Variants in IL2RB observed in about 807,000 individuals in gnomAD.
IL2RB encodes interleukin-2 receptor subunit beta.
Under a neutral mutation model 44.2 loss-of-function variants are expected in IL2RB, and 17 were observed. That is an observed-to-expected ratio of 0.38 (90% CI 0.26 to 0.58). The LOEUF is 0.58. Among genes scored for constraint, IL2RB ranks in the 20% least tolerant of loss-of-function variants. The probability of loss-of-function intolerance (pLI) is 0.63; values close to 1 mark genes in which losing one functional copy is unlikely to be tolerated. For synonymous variants in IL2RB, 286 were observed against 297.9 expected, an observed-to-expected ratio of 0.96 and a Z score of 0.41; for missense variants, 624 against 685.5, an observed-to-expected ratio of 0.91 and a Z score of 1.00.
intron 3 of IL2RB, 94 bp downstream of exon 3, chr22:37,143,427 T>G: frequency 1.2e-6 from 1 of 807,866 alleles, no homozygotes; most frequent in East Asian, 2.6e-5. Flanking sequence ...AGTCCAAGAT[T>G]CTGTAAACGT....
In IL2RB at chr22:37,141,413, G is replaced by A. The variant is rs1475452763; in HGVS notation, c.282+1021C>T. ...CAGAGCTGTCTGTTCCCACTGCTTG[G>A]CCTCTCCCCTGCTTCTGGCACCCGA... On this transcript the variant is annotated intron_variant, in intron 4 of 9. Transcript: ENST00000216223. The surrounding 1 kb of genome is among the most constrained non-coding windows in gnomAD (Gnocchi z 4.4). Among the ~76,000 whole-genome samples the A allele has an allele frequency of 6.6e-6, 1 of 152,136 alleles. No individual in the cohort carries two copies. The highest frequency in any genetic ancestry group is 1.5e-5 in the Non-Finnish European group (1 of 68,014).
intron 7 of IL2RB, 78 bp from the exon 8 acceptor site, chr22:37,135,520 A>C (rs554135284): frequency 4.7e-6 from 4 of 856,262 alleles, no homozygotes; most frequent in Admixed American, 1.9e-5. Flanking sequence ...TCACCCCAAC[A>C]CCCCCATCCA....
At position 37,128,809 on chromosome 22, in the gene IL2RB, G is replaced by T. The variant is rs1445188688; in HGVS notation, c.943C>A (p.Pro315Thr). 4.3e-6 allele frequency: 7 copies of T among 1,611,962 alleles called. No individual in the cohort carries two copies. Among genetic ancestry groups the T allele is most frequent in the Non-Finnish European group, 5.9e-6 (7 of 1,178,204 alleles). ...SSPFPSSSFS[P>T]GGLAPEISPL... ...GAGATCTCAGGTGCCAGGCCGCCAG[G>T]GCTGAAGGACGATGAGGGGAAGGGC... Residue 315 changes from proline to threonine, a missense_variant, in exon 10 of 10, where the codon CCT (proline) becomes ACT (threonine). Pro to Thr is a conservative substitution (Grantham distance 38, BLOSUM62 -1). Coordinates refer to ENST00000216223, the MANE Select transcript of IL2RB (RefSeq NM_000878.5). The surrounding 1 kb of genome is among the most constrained non-coding windows in gnomAD (Gnocchi z 4.5).
Position 37,128,754 on chromosome 22 carries a change from A to G in IL2RB, c.998T>C (p.Val333Ala). The change falls in exon 10 of 10, where the codon GTG becomes GCG. Residue 333 changes from valine to alanine, a missense_variant. By Grantham distance (64) the Val-to-Ala change is moderately conservative. Around this residue, in one of 3 missense-constraint regions of IL2RB, gnomAD observed 291 missense variants for 275.5 expected, o/e 1.06. Transcript: ENST00000216223. This position sits in a 1 kb window ranked among gnomAD's most constrained non-coding sequence, Gnocchi z 4.5. Reference sequence around the variant, plus strand: ...GTCCTGCTGCAGGAGCAGCTGCGTCACCTTGTCCCTCTCCAGCACTTCTAG... The same window carrying G: ...GTCCTGCTGCAGGAGCAGCTGCGTCGCCTTGTCCCTCTCCAGCACTTCTAG... ...SPLEVLERDK[V>A]TQLLLQQDKV... 1 of 1,613,944 alleles carries G rather than the reference A, an allele frequency of 6.2e-7. No homozygotes were observed. The highest frequency in any genetic ancestry group is 8.5e-7 in the Non-Finnish European group (1 of 1,179,920).
chr22:37,168,373 C>T (rs552782944), intron 1 of IL2RB, among the ~76,000 whole-genome samples: 7 of 152,260 alleles, frequency 4.6e-5, no homozygotes, highest in African/African-American at 1.2e-4. Context: ...AAAAATAGAA[C>T]GTGGCTTGGC....
rs3218345 is a variant in IL2RB, at chr22:37,148,151, G to A, written c.-34+1674C>T. 7.5e-3 allele frequency among the ~76,000 whole-genome samples: 1,148 copies of A among 152,326 alleles called. 5 individuals are homozygous for A. Among genetic ancestry groups the A allele is most frequent in the Non-Finnish European group, 0.012 (792 of 68,018 alleles). ...AGGCAGCCGGGCAGGAGGAGAAAGC[G>A]CCATCTGGAGTCTGCTTCCCGCCGC... On this transcript the variant is annotated intron_variant, in intron 1 of 9. Coordinates refer to ENST00000216223, the MANE Select transcript of IL2RB (RefSeq NM_000878.5).
At chr22:37,166,369 C>T (rs907153127) in intron 1 of IL2RB, among the ~76,000 whole-genome samples, 3 of 152,250 alleles carry the variant, frequency 2.0e-5, no homozygotes, top group Admixed American at 6.5e-5. Context: ...GTGTTGTACA[C>T]GGAGCCTGCG....
chr22:37,134,849 A>T (rs550636343), intron 8 of IL2RB, among the ~76,000 whole-genome samples: 1 of 152,262 alleles, frequency 6.6e-6, no homozygotes, highest in African/African-American at 2.4e-5. Flanking sequence ...GCGGCCTGCC[A>T]CTGTGTTCCC....
chr22:37,164,784 A>G (rs1158312984), intron 1 of IL2RB, among the ~76,000 whole-genome samples: 2 of 152,160 alleles, frequency 1.3e-5, no homozygotes, highest in Admixed American at 1.3e-4. Flanking sequence ...AATGCTACAG[A>G]GCAGAAAGTT....
intron 1 of IL2RB, among the ~76,000 whole-genome samples, chr22:37,166,416 C>T (rs1350936142): frequency 2.6e-5 from 4 of 152,242 alleles, no homozygotes; most frequent in Admixed American, 6.5e-5. Context: ...ATGCACTCCA[C>T]GCATTCAACC....
Position 37,128,969 on chromosome 22 carries a change from C to G in IL2RB, c.904-121G>C. ...CTGAAGCAGTTGGCCCAGGGCTGCC[C>G]CATCCAGGAAGCTCTCCCTGATTAT... On this transcript the variant is annotated intron_variant, in intron 9 of 9. Coordinates refer to ENST00000216223, the MANE Select transcript of IL2RB (RefSeq NM_000878.5). This position sits in a 1 kb window ranked among gnomAD's most constrained non-coding sequence, Gnocchi z 4.5. 1 of 1,208,974 alleles carries G rather than the reference C, an allele frequency of 8.3e-7. No homozygotes were observed. Among genetic ancestry groups the G allele is most frequent in the Non-Finnish European group, 1.1e-6 (1 of 890,104 alleles). 74.9% of individuals were successfully genotyped at this position (1,208,974 alleles called of 1,614,324 possible).
intron 1 of IL2RB, among the ~76,000 whole-genome samples, chr22:37,174,663 G>C (rs1157576076): frequency 3.9e-5 from 6 of 152,332 alleles, no homozygotes; most frequent in Non-Finnish European, 7.3e-5. Flanking sequence ...TGGGGAGGCA[G>C]ATTTGAACGC....
chr22:37,174,017 C>T (rs1013860131), intron 1 of IL2RB, among the ~76,000 whole-genome samples: 2 of 152,178 alleles, frequency 1.3e-5, no homozygotes, highest in African/African-American at 2.4e-5. Context: ...TTCTCCCCAC[C>T]CCACCCCAAC....
chr22:37,174,150 G>A (rs986701512), intron 1 of IL2RB, among the ~76,000 whole-genome samples: 2 of 152,188 alleles, frequency 1.3e-5, no homozygotes, highest in East Asian at 1.9e-4. Flanking sequence ...CCAATGAGAA[G>A]CGAGAAGAGG....
chr22:37,143,390 T>G, intron 3 of IL2RB, 131 bp downstream of exon 3: 1 of 628,784 alleles, frequency 1.6e-6, no homozygotes, highest in African/African-American at 1.8e-5. Context: ...CCAACTCCTG[T>G]GATTCAAAAA....
chr22:37,128,974 C>T lies in IL2RB; in HGVS notation c.904-126G>A, dbSNP rs1472037729. ...GCAGTTGGCCCAGGGCTGCCCCATC[C>T]AGGAAGCTCTCCCTGATTATAGCCC... On this transcript the variant is annotated intron_variant, in intron 9 of 9. Coordinates refer to ENST00000216223, the MANE Select transcript of IL2RB (RefSeq NM_000878.5). This position sits in a 1 kb window ranked among gnomAD's most constrained non-coding sequence, Gnocchi z 4.5. 1 of 1,156,538 alleles carries T rather than the reference C, an allele frequency of 8.6e-7. No individual in the cohort carries two copies. Among genetic ancestry groups the T allele is most frequent in the Non-Finnish European group, 1.2e-6 (1 of 843,746 alleles). 71.6% of individuals were successfully genotyped at this position (1,156,538 alleles called of 1,614,324 possible). A position where few individuals can be genotyped will look rare whatever the true frequency, so the allele number is the denominator to read the frequency against.
rs200064374 is a variant in IL2RB, at chr22:37,135,390, G to A, written c.756C>T (p.Ser252=). 26 of 1,613,900 alleles carry A rather than the reference G, an allele frequency of 1.6e-5. No homozygotes were observed. The highest frequency in any genetic ancestry group is 8.9e-5 in the East Asian group (4 of 44,868). ...CTAAGATGATGAAGCCAAAAGCCCCGCTGAGGCCCACGAGGAGGTGGCCGA... is the reference window on the plus strand; with the variant it reads ...CTAAGATGATGAAGCCAAAAGCCCCACTGAGGCCCACGAGGAGGTGGCCGA... ...PWLGHLLVGL[S]GAFGFIILVY... is the part of the protein sequence containing the mutation. The change falls in exon 8 of 10, where the codon AGC becomes AGT. Residue 252 remains serine (S), a synonymous_variant. Transcript: ENST00000216223.
In IL2RB at chr22:37,140,831, G is replaced by A. The variant is rs192774755; in HGVS notation, c.282+1603C>T. On this transcript the variant is annotated intron_variant, in intron 4 of 9. Coordinates refer to ENST00000216223, the MANE Select transcript of IL2RB (RefSeq NM_000878.5). ...GGTGAGAAGCCTGAACTGGGAGCCC[G>A]CAGGCCTGGGTTCAATCCCAGCTGT... 3.7e-3 allele frequency among the ~76,000 whole-genome samples: 562 copies of A among 152,308 alleles called. 1 individual carries two copies. The highest frequency in any genetic ancestry group is 0.014 in the Middle Eastern group (4 of 294).
At chr22:37,136,859 G>T (rs1252302900) in intron 6 of IL2RB, among the ~76,000 whole-genome samples, 1 of 152,194 alleles carries the variant, frequency 6.6e-6, no homozygotes, top group East Asian at 1.9e-4. Flanking sequence ...GCCGTGGCAG[G>T]TCTTTCTAAT....
Sources: gnomAD v4.1 joint callset for allele counts (sites outside exome capture counted in the v4.1 genomes callset) on GRCh38, gnomAD v4.1.1 for gene constraint, gnomAD v4.1.1 regional missense constraint, Gnocchi (gnomAD v3.1) non-coding constraint, MANE v1.5 for transcripts, NCBI Gene and HGNC (gene_info 2026-07-23, HGNC 2026-07-21) for gene names.